The following ATRNL1 variants were observed in gnomAD, a reference collection of about 807,000 sequenced individuals.
ATRNL1 encodes the protein attractin-like protein 1.
A neutral mutation model predicts 182.7 loss-of-function variants in ATRNL1; 95 were observed. The ratio of observed to expected loss-of-function variants is 0.52; its 90% CI spans 0.44 to 0.62. The LOEUF is 0.62. ATRNL1 is among the 20% of genes least tolerant of loss of function. ATRNL1 has a pLI of 0.00. For missense variants in ATRNL1, 1,471 were observed against 1,679.5 expected (o/e 0.88, Z 2.17); for synonymous variants, 576 against 568.3 (o/e 1.01, Z -0.19).
chr10:115,810,412 G>A (rs1555086715), intron 27 of ATRNL1, among the ~76,000 whole-genome samples: 1 of 151,884 alleles, frequency 6.6e-6, no homozygotes, highest in African/African-American at 2.4e-5. Context: ...AAGCTGCCTA[G>A]TCCTTGGGGT....
intron 1 of ATRNL1, among the ~76,000 whole-genome samples, chr10:115,095,846 G>A (rs1346011823): frequency 1.3e-5 from 2 of 152,076 alleles, no homozygotes; most frequent in Admixed American, 1.3e-4. Flanking sequence ...ACATAAATAG[G>A]GAGAGTGCCT....
intron 26 of ATRNL1, among the ~76,000 whole-genome samples, chr10:115,678,509 C>T (rs1945941383): frequency 6.6e-6 from 1 of 152,058 alleles, no homozygotes; most frequent in African/African-American, 2.4e-5. Flanking sequence ...TACCACTTTG[C>T]TCATTAGGAA....
chr10:115,442,064 A>T (rs1164406618), intron 21 of ATRNL1, among the ~76,000 whole-genome samples: 1 of 151,982 alleles, frequency 6.6e-6, no homozygotes, highest in Non-Finnish European at 1.5e-5. Flanking sequence ...TTCTTCAGAC[A>T]TTCTCCAATC....
intron 27 of ATRNL1, among the ~76,000 whole-genome samples, chr10:115,821,044 A>G (rs782197433): frequency 1.8e-4 from 27 of 152,020 alleles, no homozygotes; most frequent in Non-Finnish European, 3.1e-4. Flanking sequence ...GCTGCCATGT[A>G]ATACATGCCT....
At chr10:115,645,139 G>A (rs1555031785) in intron 26 of ATRNL1, among the ~76,000 whole-genome samples, 1 of 151,790 alleles carries the variant, frequency 6.6e-6, no homozygotes, top group Non-Finnish European at 1.5e-5. Context: ...CACACTTAAG[G>A]TTTTCATTGT....
At chr10:115,375,874 T>G (rs1311715900) in intron 19 of ATRNL1, among the ~76,000 whole-genome samples, 3 of 152,178 alleles carry the variant, frequency 2.0e-5, no homozygotes, top group African/African-American at 7.2e-5. Context: ...TATATACCAC[T>G]GTTACTGTAT....
intron 21 of ATRNL1, among the ~76,000 whole-genome samples, chr10:115,436,174 G>T (rs1425683079): frequency 6.6e-6 from 1 of 151,936 alleles, no homozygotes; most frequent in African/African-American, 2.4e-5. Context: ...TTCAAGGTTT[G>T]TTTTCTTCAT....
chr10:115,934,348 A>G (rs1174142681), intron 28 of ATRNL1, among the ~76,000 whole-genome samples: 6 of 152,206 alleles, frequency 3.9e-5, no homozygotes, highest in Admixed American at 2.0e-4. Flanking sequence ...GATTCCATCT[A>G]TGCTAATTAC....
At chr10:115,784,585 C>T (rs1384278585) in intron 27 of ATRNL1, among the ~76,000 whole-genome samples, 4 of 152,120 alleles carry the variant, frequency 2.6e-5, no homozygotes, top group Admixed American at 2.0e-4. Context: ...GTCCTGGAAG[C>T]CAAAATCAAG....
rs77625222 is a variant in ATRNL1, at chr10:115,710,909, G to T, written c.3796-16339G>T. On this transcript the variant is annotated intron_variant, in intron 26 of 28. Coordinates refer to ENST00000355044, the MANE Select transcript of ATRNL1 (RefSeq NM_207303.4). ...TGAACTTTTTTTCTTTTTTTGTTAG[G>T]ATAACCTGACTGATACAGCAAGGTT... 7.3e-3 allele frequency among the ~76,000 whole-genome samples: 1,112 copies of T among 152,074 alleles called. 5 individuals are homozygous for T. The highest frequency in any genetic ancestry group is 0.013 in the Non-Finnish European group (883 of 67,942).
At chr10:115,482,549 TATA>T (rs35269939) in intron 24 of ATRNL1, among the ~76,000 whole-genome samples, 24,580 of 150,792 alleles carry the variant, frequency 0.16, 2,517 homozygotes, top group South Asian at 0.23. Flanking sequence ...GATAAACAAA[TATA>T]ATAATTTTTA....
At chr10:115,554,513 C>A (rs1853197938) in intron 26 of ATRNL1, among the ~76,000 whole-genome samples, 1 of 151,528 alleles carries the variant, frequency 6.6e-6, no homozygotes, top group Non-Finnish European at 1.5e-5. Flanking sequence ...GTATCAATTT[C>A]TTGCTATATT....
At chr10:115,532,686 G>A in intron 25 of ATRNL1, among the ~76,000 whole-genome samples, 1 of 150,230 alleles carries the variant, frequency 6.7e-6, no homozygotes, top group Non-Finnish European at 1.5e-5. Context: ...GTGAGAGAGG[G>A]CATCCCTGTC....
intron 15 of ATRNL1, among the ~76,000 whole-genome samples, chr10:115,299,804 C>G (rs1326113121): frequency 6.6e-6 from 1 of 151,994 alleles, no homozygotes; most frequent in Non-Finnish European, 1.5e-5. Context: ...TAAATTATTC[C>G]AATCATGTAG....
intron 21 of ATRNL1, among the ~76,000 whole-genome samples, chr10:115,437,249 T>C (rs1043297911): frequency 2.0e-5 from 3 of 151,972 alleles, no homozygotes; most frequent in African/African-American, 7.2e-5. Context: ...GCTTATGAGA[T>C]CTGCAAGATC....
intron 27 of ATRNL1, among the ~76,000 whole-genome samples, chr10:115,830,620 C>A (rs1247185819): frequency 6.6e-6 from 1 of 152,046 alleles, no homozygotes; most frequent in Non-Finnish European, 1.5e-5. Context: ...GAAAATATAG[C>A]AGTATCTGAA....
chr10:115,577,509 T>C (rs1349004142), intron 26 of ATRNL1, among the ~76,000 whole-genome samples: 1 of 151,816 alleles, frequency 6.6e-6, no homozygotes, highest in East Asian at 1.9e-4. Context: ...TTTTCTTAAT[T>C]GTGTATCTAA....
At chr10:115,163,528 T>A (rs1161351425) in intron 6 of ATRNL1, among the ~76,000 whole-genome samples, 1 of 152,052 alleles carries the variant, frequency 6.6e-6, no homozygotes, top group Non-Finnish European at 1.5e-5. Context: ...TATGCCTGGC[T>A]AATTTTTAAA....
chr10:115,315,173 T>G (rs1371660048), intron 17 of ATRNL1, among the ~76,000 whole-genome samples: 1 of 152,142 alleles, frequency 6.6e-6, no homozygotes, highest in Non-Finnish European at 1.5e-5. Flanking sequence ...AACATGGATT[T>G]ATATCACAGA....
Sources: allele counts gnomAD v4.1 joint callset (sites outside exome capture counted in the v4.1 genomes callset), GRCh38; gene constraint gnomAD v4.1.1; transcripts MANE v1.5; gene names NCBI Gene and HGNC (gene_info 2026-07-23, HGNC 2026-07-21).